STX8: variants seen among roughly 807,000 people sequenced by gnomAD.
The protein encoded by STX8 is syntaxin 8.
STX8 carries 23 observed loss-of-function variants against 37.5 expected under a neutral mutation model. The observed-to-expected ratio is 0.61, with a 90% CI of 0.44 to 0.87. The LOEUF (loss-of-function observed/expected upper bound fraction) is 0.87, where lower values mean the gene tolerates loss of function less well. Among genes scored for constraint, STX8 ranks in the 40% least tolerant of loss-of-function variants. STX8 has a pLI of 0.00. For missense variants in STX8, 313 were observed against 284.7 expected (o/e 1.10, Z -0.71); for synonymous variants, 115 against 99.1 (o/e 1.16, Z -0.95).
At chr17:9,523,043 T>C (rs1905419168) in intron 4 of STX8, among the ~76,000 whole-genome samples, 1 of 152,036 alleles carries the variant, frequency 6.6e-6, no homozygotes, top group Non-Finnish European at 1.5e-5. Flanking sequence ...CCAGGCTCGG[T>C]GGCTCTCACC....
At chr17:9,267,107 G>T (rs1325753147) in intron 7 of STX8, among the ~76,000 whole-genome samples, 2 of 152,306 alleles carry the variant, frequency 1.3e-5, no homozygotes, top group Admixed American at 1.3e-4. Flanking sequence ...TGTGAGTTCA[G>T]GGTTTCCCTC....
At chr17:9,378,515 A>G (rs201900041) in intron 7 of STX8, 37 bp downstream of exon 7, 3 of 1,554,768 alleles carry the variant, frequency 1.9e-6, no homozygotes, top group African/African-American at 2.7e-5. Context: ...TCCACAAGCT[A>G]TGACAGAAAC....
chr17:9,521,414 G>A (rs1460413113), intron 4 of STX8, among the ~76,000 whole-genome samples: 1 of 152,208 alleles, frequency 6.6e-6, no homozygotes, highest in Non-Finnish European at 1.5e-5. Context: ...TCAGGAAAAG[G>A]AAATTTTTTC....
intron 6 of STX8, among the ~76,000 whole-genome samples, chr17:9,435,589 C>G (rs1440628113): frequency 6.6e-6 from 1 of 152,104 alleles, no homozygotes; most frequent in Non-Finnish European, 1.5e-5. Flanking sequence ...CACCTAGAAC[C>G]ATAATAGGTA....
rs1910714908 is a variant in STX8 at position 9,351,807 on chromosome 17, C to A, written c.643+26745G>T. Reference sequence around the variant, plus strand: ...TCTTATAGTGTCTGTTGATGTCATTCAAGTTAACATTTTTGGCATAAATAC... The same window carrying A: ...TCTTATAGTGTCTGTTGATGTCATTAAAGTTAACATTTTTGGCATAAATAC... On this transcript the variant is annotated intron_variant, in intron 7 of 7. Transcript: ENST00000306357. Among the ~76,000 whole-genome samples, 4 of 152,036 alleles carry A rather than the reference C, an allele frequency of 2.6e-5. No individual in the cohort carries two copies. The South Asian group carries it at 8.3e-4, about 32-fold the overall frequency.
intron 7 of STX8, among the ~76,000 whole-genome samples, chr17:9,316,628 T>C (rs574514409): frequency 6.6e-6 from 1 of 152,246 alleles, no homozygotes; most frequent in South Asian, 2.1e-4. Context: ...GTGCATCTCT[T>C]ATATCTGCCT....
At chr17:9,373,803 G>A (rs7216147) in intron 7 of STX8, among the ~76,000 whole-genome samples, 1,853 of 152,044 alleles carry the variant, frequency 0.012, 45 homozygotes, top group African/African-American at 0.043. Context: ...GCCAGATGTG[G>A]TGGCGCATGC....
rs905320926 is a variant in STX8 at position 9,572,536 on chromosome 17, A to G, written c.17+3256T>C. 8.5e-4 allele frequency among the ~76,000 whole-genome samples: 130 copies of G among 152,068 alleles called. 1 individual carries two copies. Among genetic ancestry groups the G allele is most frequent in the Non-Finnish European group, 3.1e-4 (21 of 68,012 alleles). On this transcript the variant is annotated intron_variant, in intron 1 of 7. Transcript: ENST00000306357. ...GTGATTCTCCTGCCTCAGCCTCCTG[A>G]GTAGCTGGGATTACAGGTACACACC... is the stretch of plus-strand genomic sequence containing the variant.
intron 4 of STX8, among the ~76,000 whole-genome samples, chr17:9,514,960 C>G (rs1905123327): frequency 6.6e-6 from 1 of 152,136 alleles, no homozygotes; most frequent in South Asian, 2.1e-4. Context: ...CAGAAAGTAG[C>G]TGGAGGATTC....
At chr17:9,293,573 T>C (rs970959291) in intron 7 of STX8, among the ~76,000 whole-genome samples, 1 of 151,814 alleles carries the variant, frequency 6.6e-6, no homozygotes, top group Non-Finnish European at 1.5e-5. Context: ...GACAGTGAGA[T>C]AGGAGGTGTA....
intron 7 of STX8, among the ~76,000 whole-genome samples, chr17:9,358,778 A>C (rs1319355878): frequency 6.6e-6 from 1 of 152,204 alleles, no homozygotes; most frequent in Non-Finnish European, 1.5e-5. Context: ...ACAGTAATTA[A>C]GGGAGGAAGA....
intron 6 of STX8, among the ~76,000 whole-genome samples, chr17:9,487,498 T>A (rs1469505083): frequency 6.6e-6 from 1 of 152,138 alleles, no homozygotes; most frequent in Non-Finnish European, 1.5e-5. Flanking sequence ...AGGGATATAC[T>A]TTTTTATCCT....
intron 4 of STX8, among the ~76,000 whole-genome samples, chr17:9,524,813 GTTTT>G (rs11403311): frequency 6.9e-6 from 1 of 145,180 alleles, no homozygotes; most frequent in African/African-American, 2.5e-5. Flanking sequence ...GTCTCACTCT[GTTTT>G]TTTTTTTTGA....
At chr17:9,357,012 G>A (rs1208448743) in intron 7 of STX8, among the ~76,000 whole-genome samples, 3 of 130,060 alleles carry the variant, frequency 2.3e-5, no homozygotes, top group Non-Finnish European at 3.1e-5. Flanking sequence ...CTGTCACCCC[G>A]GCTGAAGTGC....
intron 6 of STX8, chr17:9,467,559 T>G (rs889993031): frequency 2.0e-5 from 3 of 152,168 alleles, no homozygotes; most frequent in African/African-American, 7.2e-5. Context: ...GAGAAGAGCA[T>G]CCTGGAGAAA....
chr17:9,256,564 A>G (rs1906805865), intron 7 of STX8, among the ~76,000 whole-genome samples: 3 of 152,222 alleles, frequency 2.0e-5, no homozygotes, highest in Non-Finnish European at 2.9e-5. Context: ...TGTCTCCTGC[A>G]TATTATTTTG....
intron 4 of STX8, among the ~76,000 whole-genome samples, chr17:9,509,205 C>G (rs940471824): frequency 4.6e-5 from 7 of 152,048 alleles, no homozygotes; most frequent in African/African-American, 9.7e-5. Context: ...GCTGAGACCA[C>G]GCTACTGCAC....
At chr17:9,451,124 C>T (rs542868341) in intron 6 of STX8, among the ~76,000 whole-genome samples, 1 of 152,286 alleles carries the variant, frequency 6.6e-6, no homozygotes, top group Admixed American at 6.5e-5. Context: ...TTTGTTTATA[C>T]CGTCCCTCCC....
chr17:9,258,055 A>G (rs746604034), intron 7 of STX8, among the ~76,000 whole-genome samples: 1 of 152,274 alleles, frequency 6.6e-6, no homozygotes, highest in Admixed American at 6.5e-5. Flanking sequence ...CAGAAGAGTT[A>G]GGCCAACTGG....
Sources: gnomAD v4.1 joint callset for allele counts (sites outside exome capture counted in the v4.1 genomes callset) on GRCh38, gnomAD v4.1.1 for gene constraint, MANE v1.5 for transcripts, NCBI Gene and HGNC (gene_info 2026-07-23, HGNC 2026-07-21) for gene names.